Variants in ELP4 observed in about 807,000 individuals in gnomAD.
ELP4 encodes the protein elongator complex protein 4.
ELP4 carries 51 observed loss-of-function variants against 48.9 expected under a neutral mutation model. That is an observed-to-expected ratio of 1.04 (90% CI 0.83 to 1.32). The LOEUF is 1.32. ELP4 is among the 40% of genes most tolerant of loss of function. The pLI is 0.00. For missense variants in ELP4, 519 were observed against 514.6 expected (o/e 1.01, Z -0.08); for synonymous variants, 210 against 189.2 (o/e 1.11, Z -0.90).
intron 9 of ELP4, among the ~76,000 whole-genome samples, chr11:31,660,065 A>G (rs1945522046): frequency 6.6e-6 from 1 of 152,202 alleles, no homozygotes; most frequent in African/African-American, 2.4e-5. Context: ...GTATTTAATT[A>G]CATTTCTTGT....
intron 3 of ELP4, among the ~76,000 whole-genome samples, chr11:31,556,875 G>C (rs1956937784): frequency 6.6e-6 from 1 of 151,746 alleles, no homozygotes; most frequent in Non-Finnish European, 1.5e-5. Flanking sequence ...CAGCATATTA[G>C]AACTACCTTG....
chr11:31,711,969 CTTCTGCTTGATTTCT>C (rs1353853909), intron 9 of ELP4, among the ~76,000 whole-genome samples: 1 of 151,834 alleles, frequency 6.6e-6, no homozygotes, highest in Non-Finnish European at 1.5e-5. Flanking sequence ...TTGTAATTTT[CTTCTGCTTGATTTCT>C]TTTAGGCCAA....
chr11:31,574,308 C>T (rs1436172745), intron 3 of ELP4, among the ~76,000 whole-genome samples: 7 of 152,122 alleles, frequency 4.6e-5, no homozygotes, highest in African/African-American at 1.7e-4. Context: ...TGAGTGGAGC[C>T]CACCCCAGCT....
chr11:31,549,504 T>G (rs1956800382), intron 3 of ELP4, among the ~76,000 whole-genome samples: 1 of 151,584 alleles, frequency 6.6e-6, no homozygotes, highest in Non-Finnish European at 1.5e-5. Context: ...CTGGAGAGGA[T>G]GTGGAGAAAT....
At chr11:31,649,076 T>C (rs1945266700) in intron 8 of ELP4, 1 of 151,738 alleles carries the variant, frequency 6.6e-6, no homozygotes, top group Admixed American at 6.6e-5. Flanking sequence ...CCTTTTAAAT[T>C]TTTTTAAGTT....
intron 9 of ELP4, among the ~76,000 whole-genome samples, chr11:31,658,139 C>T (rs1235603950): frequency 2.0e-5 from 3 of 151,910 alleles, no homozygotes; most frequent in East Asian, 3.9e-4. Flanking sequence ...ACTGCTATCT[C>T]GTCTTCATTA....
chr11:31,599,076 A>C (rs1260681749), intron 4 of ELP4: 1 of 152,172 alleles, frequency 6.6e-6, no homozygotes, highest in Non-Finnish European at 1.5e-5. Flanking sequence ...TCCTACTAGA[A>C]TGTGAGCTCA....
chr11:31,647,284 G>A (rs1280364577), intron 7 of ELP4: 1 of 153,478 alleles, frequency 6.5e-6, no homozygotes, highest in East Asian at 1.9e-4. Flanking sequence ...CCTTGTCCCA[G>A]CTGACAGACG....
chr11:31,598,972 C>G (rs968350280), intron 4 of ELP4: 2 of 152,098 alleles, frequency 1.3e-5, no homozygotes, highest in Admixed American at 1.3e-4. Flanking sequence ...TGAGATAAAA[C>G]CACTCTGTAT....
At chr11:31,639,991 G>A (rs979633942) in intron 7 of ELP4, among the ~76,000 whole-genome samples, 3 of 151,872 alleles carry the variant, frequency 2.0e-5, no homozygotes, top group Non-Finnish European at 4.4e-5. Flanking sequence ...TCACGGTATG[G>A]AGATTGAGTC....
chr11:31,572,944 G>C (rs1252211330), intron 3 of ELP4, among the ~76,000 whole-genome samples: 1 of 152,166 alleles, frequency 6.6e-6, no homozygotes, highest in Non-Finnish European at 1.5e-5. Flanking sequence ...GTTCAAGAAG[G>C]CTGCAGTGAG....
At chr11:31,622,670 C>T (rs1372249606) in intron 5 of ELP4, among the ~76,000 whole-genome samples, 1 of 151,406 alleles carries the variant, frequency 6.6e-6, no homozygotes, top group Non-Finnish European at 1.5e-5. Flanking sequence ...TGCTTTACAC[C>T]TCTTGAGGAA....
At chr11:31,581,312 TC>T (rs1246604514) in intron 3 of ELP4, among the ~76,000 whole-genome samples, 2 of 152,172 alleles carry the variant, frequency 1.3e-5, no homozygotes, top group Non-Finnish European at 2.9e-5. Context: ...TATTAGTTCA[TC>T]CCTTGTTTTG....
intron 3 of ELP4, among the ~76,000 whole-genome samples, chr11:31,575,177 A>G (rs928724706): frequency 6.6e-5 from 10 of 152,226 alleles, no homozygotes; most frequent in Non-Finnish European, 1.5e-4. Flanking sequence ...ATCAAGTGAA[A>G]GAAAGGGTAT....
chr11:31,560,480 G>A (rs190814243), intron 3 of ELP4, among the ~76,000 whole-genome samples: 1 of 151,550 alleles, frequency 6.6e-6, no homozygotes, highest in Admixed American at 6.6e-5. Flanking sequence ...TAACTTGCTT[G>A]CCTAATATGA....
chr11:31,732,430 G>C (rs1345340985), intron 9 of ELP4, among the ~76,000 whole-genome samples: 10 of 125,366 alleles, frequency 8.0e-5, no homozygotes, highest in Non-Finnish European at 1.5e-4. Flanking sequence ...ACCTTTAGAA[G>C]ATACAAAAGA....
At chr11:31,518,553 A>G (rs531293330) in intron 1 of ELP4, among the ~76,000 whole-genome samples, 1 of 137,846 alleles carries the variant, frequency 7.3e-6, no homozygotes, top group Admixed American at 7.9e-5. Flanking sequence ...GCTGGAGTGC[A>G]GTGGTGCAAT....
intron 3 of ELP4, among the ~76,000 whole-genome samples, chr11:31,576,547 C>T (rs1218715213): frequency 1.3e-5 from 2 of 152,156 alleles, no homozygotes; most frequent in Non-Finnish European, 2.9e-5. Context: ...GGAAGTAAAG[C>T]ACTCCTCAGC....
At chr11:31,690,818 C>T (rs572155484) in intron 9 of ELP4, among the ~76,000 whole-genome samples, 20 of 135,518 alleles carry the variant, frequency 1.5e-4, no homozygotes, top group East Asian at 4.0e-4. Context: ...TTTTTTTTGC[C>T]GCAGAAAGCA....
Sources: gnomAD v4.1 joint callset for allele counts (sites outside exome capture counted in the v4.1 genomes callset) on GRCh38, gnomAD v4.1.1 for gene constraint, MANE v1.5 for transcripts, NCBI Gene and HGNC (gene_info 2026-07-23, HGNC 2026-07-21) for gene names.